DLGAP2: variants seen among roughly 807,000 people sequenced by gnomAD.
DLGAP2 encodes disks large-associated protein 2.
Under a neutral mutation model 100.3 loss-of-function variants are expected in DLGAP2, and 26 were observed. That is an observed-to-expected ratio of 0.26 (90% CI 0.19 to 0.36). The LOEUF is 0.36. Ranked by LOEUF, DLGAP2 falls within the 10% of genes least tolerant of loss-of-function variation. The pLI, the probability that DLGAP2 is intolerant of heterozygous loss-of-function variation, is 1.00. For synonymous variants in DLGAP2, 886 were observed against 630.1 expected (o/e 1.41, Z -6.08); for missense variants, 1,858 against 1,453.2 (o/e 1.28, Z -4.53).
At chr8:1,468,464 G>C (rs940219777) in intron 3 of DLGAP2, among the ~76,000 whole-genome samples, 2 of 148,336 alleles carry the variant, frequency 1.3e-5, no homozygotes, top group Non-Finnish European at 3.0e-5. Flanking sequence ...GAACCTCCCC[G>C]GTTCACATCG....
At chr8:1,200,959 G>C (rs986963623) in intron 2 of DLGAP2, among the ~76,000 whole-genome samples, 8 of 152,212 alleles carry the variant, frequency 5.3e-5, no homozygotes, top group African/African-American at 1.9e-4. Context: ...TGCACGGCGG[G>C]GCGCTGCGCT....
intron 2 of DLGAP2, among the ~76,000 whole-genome samples, chr8:981,813 T>C (rs563442633): frequency 6.6e-6 from 1 of 152,376 alleles, no homozygotes; most frequent in South Asian, 2.1e-4. Flanking sequence ...TTGTGGATAT[T>C]AATCTCTTCT....
chr8:1,333,889 G>T (rs1425544554), intron 3 of DLGAP2, among the ~76,000 whole-genome samples: 1 of 152,240 alleles, frequency 6.6e-6, no homozygotes, highest in African/African-American at 2.4e-5. Flanking sequence ...TCAGATCCCA[G>T]GTGCATCCTT....
intron 2 of DLGAP2, among the ~76,000 whole-genome samples, chr8:1,082,414 G>T (rs1242228973): frequency 1.3e-5 from 2 of 152,120 alleles, no homozygotes; most frequent in African/African-American, 4.8e-5. Context: ...GCTAAGGGTG[G>T]GGGCAGCCAA....
intron 2 of DLGAP2, among the ~76,000 whole-genome samples, chr8:990,279 AC>A (rs1300815900): frequency 1.3e-5 from 2 of 151,368 alleles, no homozygotes; most frequent in East Asian, 3.9e-4. Context: ...ATGGGAATCG[AC>A]CTTCTGAAGT....
At chr8:1,639,493 C>T (rs1797846332) in intron 8 of DLGAP2, among the ~76,000 whole-genome samples, 1 of 152,228 alleles carries the variant, frequency 6.6e-6, no homozygotes, top group African/African-American at 2.4e-5. Context: ...GCCCAGGTTC[C>T]TGGTGTCCAT....
intron 10 of DLGAP2, among the ~76,000 whole-genome samples, chr8:1,672,746 G>T (rs117373163): frequency 0.041 from 6,235 of 152,294 alleles, 157 homozygotes; most frequent in South Asian, 0.065. Context: ...AGAGCTCAAA[G>T]CCTCACAGGC....
At chr8:1,031,724 A>G (rs1801979372) in intron 2 of DLGAP2, among the ~76,000 whole-genome samples, 1 of 152,264 alleles carries the variant, frequency 6.6e-6, no homozygotes. Context: ...CCTTTCAAAA[A>G]GAGCACTGAT....
At chr8:1,031,883 A>G (rs955076198) in intron 2 of DLGAP2, among the ~76,000 whole-genome samples, 10 of 152,352 alleles carry the variant, frequency 6.6e-5, no homozygotes, top group East Asian at 1.9e-4. Flanking sequence ...TGTGGCCACC[A>G]TAAGTCCATG....
chr8:1,154,783 C>G (rs1225430139), intron 2 of DLGAP2, among the ~76,000 whole-genome samples: 1 of 152,138 alleles, frequency 6.6e-6, no homozygotes, highest in Non-Finnish European at 1.5e-5. Context: ...GTCCTGCCGT[C>G]CATCCCGCCC....
At chr8:1,133,554 C>T (rs1187621135) in intron 2 of DLGAP2, among the ~76,000 whole-genome samples, 1 of 152,048 alleles carries the variant, frequency 6.6e-6, no homozygotes, top group African/African-American at 2.4e-5. Flanking sequence ...CTATTTTGAC[C>T]AAATTATAAA....
At chr8:952,004 C>G (rs915651407) in intron 2 of DLGAP2, among the ~76,000 whole-genome samples, 4 of 152,232 alleles carry the variant, frequency 2.6e-5, no homozygotes, top group African/African-American at 9.6e-5. Context: ...TGGACTTTGT[C>G]CTTGCCCTCC....
intron 2 of DLGAP2, among the ~76,000 whole-genome samples, chr8:1,127,853 T>G (rs992886019): frequency 6.6e-6 from 1 of 152,244 alleles, no homozygotes; most frequent in Admixed American, 6.5e-5. Context: ...GATTAGTCAT[T>G]CGAGGCTTGG....
At chr8:1,072,540 G>A (rs1803466960) in intron 2 of DLGAP2, among the ~76,000 whole-genome samples, 1 of 152,198 alleles carries the variant, frequency 6.6e-6, no homozygotes, top group Non-Finnish European at 1.5e-5. Context: ...CCCCGCGGTA[G>A]TGCAGGCACC....
chr8:1,194,468 C>G (rs576741340), intron 2 of DLGAP2, among the ~76,000 whole-genome samples: 1 of 152,286 alleles, frequency 6.6e-6, no homozygotes, highest in African/African-American at 2.4e-5. Flanking sequence ...GACGGCAGAG[C>G]TTCCCTCAGT....
At chr8:1,315,732 A>C (rs375716059) in intron 3 of DLGAP2, among the ~76,000 whole-genome samples, 1,232 of 33,914 alleles carry the variant, frequency 0.036, 24 homozygotes, top group Non-Finnish European at 0.039. Flanking sequence ...GCGTCTCTCC[A>C]ACAGTGGTCT....
chr8:739,442 T>TC (rs1364981018), intron 1 of DLGAP2: 1 of 152,230 alleles, frequency 6.6e-6, no homozygotes, highest in African/African-American at 2.4e-5. Flanking sequence ...CAAGGAGCCT[T>TC]CCCCCGGGTC....
chr8:1,488,173 C>G (rs545228634), intron 3 of DLGAP2, among the ~76,000 whole-genome samples: 2 of 152,164 alleles, frequency 1.3e-5, no homozygotes, highest in Non-Finnish European at 2.9e-5. Flanking sequence ...CCTTCTTCCA[C>G]ACAGTCCTCC....
At chr8:807,314 C>T (rs1796289267) in intron 1 of DLGAP2, among the ~76,000 whole-genome samples, 2 of 73,014 alleles carry the variant, frequency 2.7e-5, no homozygotes, top group South Asian at 1.3e-3. Flanking sequence ...TCTTTTTCTT[C>T]TCATTCATAC....
Sources: gnomAD v4.1 joint callset for allele counts (sites outside exome capture counted in the v4.1 genomes callset) on GRCh38, gnomAD v4.1.1 for gene constraint, MANE v1.5 for transcripts, NCBI Gene and HGNC (gene_info 2026-07-23, HGNC 2026-07-21) for gene names.